Variants in NXF1 observed in about 807,000 individuals in gnomAD.
The protein encoded by NXF1 is mRNA export factor TAP.
Under a neutral mutation model 92.4 loss-of-function variants are expected in NXF1, and 43 were observed. The ratio of observed to expected loss-of-function variants is 0.47; its 90% CI spans 0.36 to 0.60. NXF1 has a LOEUF of 0.60. Among genes scored for constraint, NXF1 ranks in the 20% least tolerant of loss-of-function variants. The pLI, the probability that NXF1 is intolerant of heterozygous loss-of-function variation, is 0.00. For synonymous variants in NXF1, 288 were observed against 292.2 expected (o/e 0.99, Z 0.15); for missense variants, 576 against 793.0 (o/e 0.73, Z 3.29).
chr11:62,799,151 G>A (rs1007143768), intron 10 of NXF1: 7 of 983,762 alleles, frequency 7.1e-6, no homozygotes, highest in African/African-American at 3.5e-5. Context: ...ATAGGAGACA[G>A]ACAGAAAAAG....
intron 19 of NXF1, among the ~76,000 whole-genome samples, chr11:62,793,610 G>A (rs113503642): frequency 8.5e-4 from 129 of 152,172 alleles, no homozygotes; most frequent in Non-Finnish European, 9.7e-4. Flanking sequence ...CCTAGCAGTT[G>A]AGGCTGCAGT....
At chr11:62,804,699 C>G (rs1447199550) in intron 1 of NXF1, among the ~76,000 whole-genome samples, 1 of 152,196 alleles carries the variant, frequency 6.6e-6, no homozygotes, top group Non-Finnish European at 1.5e-5. Flanking sequence ...TGAGAACTTT[C>G]TCCAGTGCCG....
At chr11:62,792,744 TAAATGCCAGCTG>T (rs1565196378) in intron 19 of NXF1, 43 bp from the exon 20 acceptor site, 1 of 1,601,818 alleles carries the variant, frequency 6.2e-7, no homozygotes. Flanking sequence ...CTCTGACTCG[TAAATGCCAGCTG>T]AAAGTCCACT....
Position 62,794,220 on chromosome 11 carries a change from T to G in NXF1, c.1760+38A>C, listed in dbSNP as rs768066926. ...CCTCATTATTTACTACTAGCCCTAC[T>G]TCAGTGCATCCCCATCCTACACATG... is the stretch of plus-strand genomic sequence containing the variant. On this transcript the variant is annotated intron_variant, in intron 19 of 20. Coordinates refer to ENST00000294172, the MANE Select transcript of NXF1 (RefSeq NM_006362.5). 5.2e-5 allele frequency: 83 copies of G among 1,584,336 alleles called. No homozygotes were observed. The Middle Eastern group carries it at 1.5e-3, about 29-fold the overall frequency.
chr11:62,794,449 C>T lies in NXF1; in HGVS notation c.1578-9G>A. ...CATTTACAATACATAGCCTTGAGGA[C>T]AAAGAGCACTTAAAAAGCTAGACAG... On this transcript the variant is annotated splice_polypyrimidine_tract_variant and intron_variant, in intron 18 of 20. Transcript: ENST00000294172. The T allele has an allele frequency of 6.2e-7, 1 of 1,601,650 alleles. No individual in the cohort carries two copies. Among genetic ancestry groups the T allele is most frequent in the African/African-American group, 1.3e-5 (1 of 74,826 alleles).
chr11:62,805,275 G>T, intron 1 of NXF1, 54 bp downstream of exon 1: 1 of 1,568,120 alleles, frequency 6.4e-7, no homozygotes, highest in Non-Finnish European at 8.6e-7. Flanking sequence ...CTAGGCCGGC[G>T]CCGCCCACCC....
In NXF1 at chr11:62,794,149, C is replaced by T. The variant is rs1003812058; in HGVS notation, c.1760+109G>A. 45 of 962,230 alleles carry T rather than the reference C, an allele frequency of 4.7e-5. 1 individual carries two copies. Among genetic ancestry groups the T allele is most frequent in the Middle Eastern group, 3.4e-4 (1 of 2,966 alleles). The allele number at this position is 962,230 out of a possible 1,614,324, so 59.6% of individuals were successfully genotyped here. On this transcript the variant is annotated intron_variant, in intron 19 of 20. Coordinates refer to ENST00000294172, the MANE Select transcript of NXF1 (RefSeq NM_006362.5). ...CACTATACTCCAGCCTGGATGACAGCGCAAGAACTTGTCTCCAAAAAAAAA... is the reference window on the plus strand; with the variant it reads ...CACTATACTCCAGCCTGGATGACAGTGCAAGAACTTGTCTCCAAAAAAAAA...
intron 11 of NXF1, among the ~76,000 whole-genome samples, 198 bp from the exon 12 acceptor site, chr11:62,797,584 G>A (rs1222946975): frequency 6.6e-6 from 1 of 152,042 alleles, no homozygotes; most frequent in African/African-American, 2.4e-5. Flanking sequence ...TGCGTGCCTG[G>A]AGTCCTAGCT....
rs374496111 is a variant in NXF1, at chr11:62,801,955, C to A, written c.545G>T (p.Arg182Leu). 3 of 1,614,042 alleles carry A rather than the reference C, an allele frequency of 1.9e-6. No homozygotes were observed. The highest frequency in any genetic ancestry group is 2.7e-5 in the African/African-American group (2 of 74,928). ...LKAVNYKILD[R>L]ENRRISIIIN... ...CTTTAAACACACCCTTCGGTTCTCC[C>A]GATCCAAAATCTTATAGTTGACAGC... The change falls in exon 5 of 21, where the codon CGG becomes CTG. Residue 182 changes from arginine to leucine, a missense_variant. By Grantham distance (102) the Arg-to-Leu change is moderately radical. Around this residue, in one of 2 missense-constraint regions of NXF1, gnomAD observed 425 missense variants for 635.2 expected, o/e 0.67. Transcript: ENST00000294172.
At chr11:62,804,540 C>T (rs777153637) in intron 1 of NXF1, among the ~76,000 whole-genome samples, 6 of 152,186 alleles carry the variant, frequency 3.9e-5, no homozygotes, top group Non-Finnish European at 8.8e-5. Flanking sequence ...GGAAGATGAC[C>T]TTCTGATTCA....
intron 19 of NXF1, 81 bp downstream of exon 19, chr11:62,794,176 CA>C (rs1280664276): frequency 4.5e-6 from 6 of 1,334,086 alleles, no homozygotes; most frequent in South Asian, 2.9e-5. Context: ...AAAAAAAAAA[CA>C]AAAAAACTGT....
In NXF1 at chr11:62,798,541, G is replaced by A. The variant is rs1308822066; in HGVS notation, c.1051C>T (p.Leu351=). The A allele has an allele frequency of 3.1e-6, 5 of 1,614,134 alleles. No homozygotes were observed. In the East Asian group the frequency reaches 1.1e-4, roughly 36 times the overall value. Residue 351 remains leucine, a splice_region_variant and synonymous_variant, in exon 11 of 21, where the codon CTG becomes TTG. Transcript: ENST00000294172. Reference sequence around the variant, plus strand: ...GAATGAAAAAATTATGGACTTACCAGGCGTAGTAACTTGGGAAATCGTTCG... The same window carrying A: ...GAATGAAAAAATTATGGACTTACCAAGCGTAGTAACTTGGGAAATCGTTCG... ...IRERFPKLLR[L]DGHELPPPIA...
chr11:62,798,152 T>G (rs938362685), intron 11 of NXF1, among the ~76,000 whole-genome samples: 1 of 141,002 alleles, frequency 7.1e-6, no homozygotes, highest in African/African-American at 2.6e-5. Flanking sequence ...AAGGGCCTGG[T>G]GCGAGTGGCT....
intron 3 of NXF1, among the ~76,000 whole-genome samples, chr11:62,802,839 CT>C (rs150662281): frequency 0.026 from 3,934 of 152,212 alleles, 187 homozygotes; most frequent in African/African-American, 0.091. Context: ...CTCCAGGGCA[CT>C]CCAGGGACTC....
Position 62,796,571 on chromosome 11 carries a change from T to G in NXF1, c.1179-4A>C. On this transcript the variant is annotated splice_polypyrimidine_tract_variant and splice_region_variant and intron_variant, in intron 13 of 20. Transcript: ENST00000294172. ...AGAGTCGTAAATTGCATAGTACCTATGGGAAAAACAAAAAAGAAAGTATGG... is the reference window on the plus strand; with the variant it reads ...AGAGTCGTAAATTGCATAGTACCTAGGGGAAAAACAAAAAAGAAAGTATGG... 1 of 1,595,104 alleles carries G rather than the reference T, an allele frequency of 6.3e-7. No homozygotes were observed. Among genetic ancestry groups the G allele is most frequent in the Non-Finnish European group, 8.6e-7 (1 of 1,162,862 alleles).
At chr11:62,800,118 A>T in intron 10 of NXF1, 1 of 1,335,868 alleles carries the variant, frequency 7.5e-7, no homozygotes, top group East Asian at 2.9e-5. Flanking sequence ...AGATTCTAGA[A>T]AAGGTTGTGT....
chr11:62,803,654 C>T, intron 2 of NXF1, 82 bp from the exon 3 acceptor site: 1 of 1,566,676 alleles, frequency 6.4e-7, no homozygotes, highest in Non-Finnish European at 8.8e-7. Flanking sequence ...AGTGGGACTA[C>T]AACTAAGACT....
In NXF1 at chr11:62,797,249, A is replaced by G; in HGVS notation, c.1123-11T>C. ...TCCAAAATAGCTTCCCTGAAATCAA[A>G]CAGGTATTAGGAACATGGAAGCAGT... On this transcript the variant is annotated splice_polypyrimidine_tract_variant and intron_variant, in intron 12 of 20. Transcript: ENST00000294172. The G allele has an allele frequency of 6.2e-7, 1 of 1,614,120 alleles. No individual in the cohort carries two copies. Among genetic ancestry groups the G allele is most frequent in the South Asian group, 1.1e-5 (1 of 91,088 alleles).
At chr11:62,800,764 G>A (rs1288908212) in intron 9 of NXF1, among the ~76,000 whole-genome samples, 1 of 151,766 alleles carries the variant, frequency 6.6e-6, no homozygotes, top group Non-Finnish European at 1.5e-5. Flanking sequence ...CATCATGCTC[G>A]ACTAATTTAT....
Sources: gnomAD v4.1 joint callset for allele counts (sites outside exome capture counted in the v4.1 genomes callset) on GRCh38, gnomAD v4.1.1 for gene constraint, gnomAD v4.1.1 regional missense constraint, MANE v1.5 for transcripts, NCBI Gene and HGNC (gene_info 2026-07-23, HGNC 2026-07-21) for gene names.